Variants in NCOA1 observed in about 807,000 individuals in gnomAD.
The protein encoded by NCOA1 is nuclear receptor coactivator 1.
NCOA1 carries 35 observed loss-of-function variants against 150.9 expected under a neutral mutation model. That is an observed-to-expected ratio of 0.23 (90% CI 0.18 to 0.31). NCOA1 has a LOEUF of 0.31. NCOA1 is among the 10% of genes least tolerant of loss of function. NCOA1 has a pLI of 1.00. For missense variants in NCOA1, 1,491 were observed against 1,749.3 expected (o/e 0.85, Z 2.63); for synonymous variants, 590 against 630.0 (o/e 0.94, Z 0.95).
intron 20 of NCOA1, among the ~76,000 whole-genome samples, chr2:24,755,641 T>TTC (rs1216337802): frequency 2.0e-5 from 3 of 152,192 alleles, no homozygotes; most frequent in African/African-American, 7.2e-5. Context: ...CCAGACGTCT[T>TTC]TCTAGGACCT....
intron 3 of NCOA1, among the ~76,000 whole-genome samples, chr2:24,623,550 G>C (rs1205276067): frequency 6.6e-6 from 1 of 152,210 alleles, no homozygotes. Context: ...TAGGGCAAAA[G>C]TTCTCATCAT....
At chr2:24,529,804 T>C (rs1664803640) in intron 1 of NCOA1, among the ~76,000 whole-genome samples, 1 of 152,240 alleles carries the variant, frequency 6.6e-6, no homozygotes, top group Non-Finnish European at 1.5e-5. Flanking sequence ...ATGGTTATGC[T>C]ATAAAAACTC....
In NCOA1 at chr2:24,765,372, G is replaced by T. The variant is rs180814599; in HGVS notation, c.4155+2596G>T. Among the ~76,000 whole-genome samples the T allele has an allele frequency of 6.3e-3, 952 of 151,786 alleles. 16 individuals are homozygous for T. The highest frequency in any genetic ancestry group is 0.022 in the African/African-American group (892 of 41,386). ...AAATTAGCCAGGCATGGTGGCGGGC[G>T]CCTGTAGTCTCAGCTACTCGGGAGG... On this transcript the variant is annotated intron_variant, in intron 22 of 22. Transcript: ENST00000348332.
chr2:24,648,128 T>C (rs1336025529), intron 4 of NCOA1, among the ~76,000 whole-genome samples: 1 of 152,178 alleles, frequency 6.6e-6, no homozygotes, highest in African/African-American at 2.4e-5. Flanking sequence ...CATGAAATGC[T>C]TGGGATTTTT....
intron 19 of NCOA1, among the ~76,000 whole-genome samples, chr2:24,745,157 CTTTTTTTTTT>C (rs201221705): frequency 3.0e-5 from 4 of 131,672 alleles, no homozygotes; most frequent in African/African-American, 8.5e-5. Context: ...TTTCTTTTTT[CTTTTTTTTTT>C]TTTTTTTTCT....
At position 24,662,401 on chromosome 2, in the gene NCOA1, C is replaced by T. The variant is rs146186180; in HGVS notation, c.90-3348C>T. On this transcript the variant is annotated intron_variant, in intron 5 of 22. Coordinates refer to ENST00000348332, the MANE Select transcript of NCOA1 (RefSeq NM_003743.5). ...ATTCAACTCAAGTACATGTTAAGTG[C>T]GTACTCTTCAGCCAGCACCATTTGC... Among the ~76,000 whole-genome samples, 12 of 152,250 alleles carry T rather than the reference C, an allele frequency of 7.9e-5. No homozygotes were observed. The East Asian group carries it at 1.4e-3, about 17-fold the overall frequency.
At chr2:24,713,558 A>C (rs74569045) in intron 14 of NCOA1, among the ~76,000 whole-genome samples, 1 of 152,368 alleles carries the variant, frequency 6.6e-6, no homozygotes, top group East Asian at 1.9e-4. Context: ...AAGGACTTCT[A>C]CTTTCAACTA....
chr2:24,631,483 T>C (rs1282722350), intron 3 of NCOA1, among the ~76,000 whole-genome samples: 2 of 152,210 alleles, frequency 1.3e-5, no homozygotes, highest in Non-Finnish European at 2.9e-5. Context: ...ACAGTCAGTA[T>C]ACCGGGGTGA....
intron 4 of NCOA1, among the ~76,000 whole-genome samples, chr2:24,656,398 A>G (rs757147252): frequency 6.6e-6 from 1 of 152,202 alleles, no homozygotes; most frequent in Non-Finnish European, 1.5e-5. Context: ...ACTTTGATAC[A>G]TGTGTACAAT....
chr2:24,604,206 T>TTA (rs1199397837), intron 3 of NCOA1, among the ~76,000 whole-genome samples: 8 of 152,234 alleles, frequency 5.3e-5, no homozygotes, highest in African/African-American at 1.9e-4. Flanking sequence ...GGATTTGTTG[T>TTA]TATAGCACAC....
intron 1 of NCOA1, among the ~76,000 whole-genome samples, chr2:24,525,132 A>C (rs190074762): frequency 6.6e-6 from 1 of 152,318 alleles, no homozygotes; most frequent in Admixed American, 6.5e-5. Flanking sequence ...TCATTAAATT[A>C]CTAGGGATGG....
chr2:24,629,844 ATATG>A (rs1669619829), intron 3 of NCOA1, among the ~76,000 whole-genome samples: 2 of 136,064 alleles, frequency 1.5e-5, no homozygotes, highest in Non-Finnish European at 3.1e-5. Context: ...ATATATATAT[ATATG>A]TATTTTTTTT....
intron 1 of NCOA1, among the ~76,000 whole-genome samples, chr2:24,509,316 C>G (rs560104580): frequency 6.6e-6 from 1 of 152,360 alleles, no homozygotes; most frequent in South Asian, 2.1e-4. Flanking sequence ...CCTTGCTTGA[C>G]TCCAGTCTTG....
chr2:24,654,032 T>C (rs1670817706), intron 4 of NCOA1, among the ~76,000 whole-genome samples: 1 of 152,224 alleles, frequency 6.6e-6, no homozygotes, highest in African/African-American at 2.4e-5. Flanking sequence ...TATGAAATTA[T>C]ATGACTTCTT....
rs776042263 is a variant in NCOA1 at position 24,739,440 on chromosome 2, C to G, written c.3210C>G (p.His1070Gln). The stretch of plus-strand genomic sequence containing the variant: ...TTTCCATTTTTCTCTAGTTGATACA[C>G]CAAAATCGGCAAGCTATCTTAAACC... ...QRLQGQQQLI[H>Q]QNRQAILNQF... is the part of the protein sequence containing the mutation. The change falls in exon 18 of 23, where the codon CAC (histidine) becomes CAG (glutamine). Residue 1070 changes from histidine to glutamine, a missense_variant. Physicochemically the swap from His to Gln is conservative, Grantham distance 24. Transcript: ENST00000348332. The G allele has an allele frequency of 1.2e-6, 2 of 1,613,014 alleles. No homozygotes were observed. The highest frequency in any genetic ancestry group is 1.7e-6 in the Non-Finnish European group (2 of 1,179,146).
chr2:24,760,863 T>A (rs1401628204), intron 21 of NCOA1, among the ~76,000 whole-genome samples: 1 of 152,198 alleles, frequency 6.6e-6, no homozygotes, highest in Non-Finnish European at 1.5e-5. Flanking sequence ...TTGTGGTTTT[T>A]TTGAGACAGA....
chr2:24,559,207 T>C (rs1163423192), intron 1 of NCOA1, among the ~76,000 whole-genome samples: 2 of 152,200 alleles, frequency 1.3e-5, no homozygotes, highest in African/African-American at 4.8e-5. Flanking sequence ...TGATCCTCTT[T>C]TGCTGCTGCC....
At chr2:24,704,784 A>G (rs905359283) in intron 11 of NCOA1, among the ~76,000 whole-genome samples, 41 of 152,232 alleles carry the variant, frequency 2.7e-4, no homozygotes, top group African/African-American at 9.9e-4. Flanking sequence ...AAAGAAAAAA[A>G]AAAAAAGACT....
chr2:24,545,385 A>G (rs941685708), intron 1 of NCOA1, among the ~76,000 whole-genome samples: 1 of 152,244 alleles, frequency 6.6e-6, no homozygotes, highest in Non-Finnish European at 1.5e-5. Flanking sequence ...ATAATATTGC[A>G]TTATTGGATT....
Sources: allele counts gnomAD v4.1 joint callset (sites outside exome capture counted in the v4.1 genomes callset), GRCh38; gene constraint gnomAD v4.1.1; transcripts MANE v1.5; gene names NCBI Gene and HGNC (gene_info 2026-07-23, HGNC 2026-07-21).